Variants in WDR62 observed in about 807,000 individuals in gnomAD.
WDR62 encodes the protein WD repeat-containing protein 62.
Under a neutral mutation model 160.6 loss-of-function variants are expected in WDR62, and 112 were observed. That is an observed-to-expected ratio of 0.70 (90% CI 0.60 to 0.82). The LOEUF (loss-of-function observed/expected upper bound fraction) is 0.82. Among genes scored for constraint, WDR62 ranks in the 40% least tolerant of loss-of-function variants. The pLI is 0.00. For synonymous variants in WDR62, 792 were observed against 815.1 expected (o/e 0.97, Z 0.48); for missense variants, 1,819 against 1,983.8 (o/e 0.92, Z 1.58).
chr19:36,109,910 C>T (rs1973778260), downstream of WDR62, among the ~76,000 whole-genome samples: 4 of 151,608 alleles, frequency 2.6e-5, no homozygotes, highest in South Asian at 8.3e-4. Flanking sequence ...AAAAAATCAG[C>T]TGGGTGCAGT....
intron 8 of WDR62, 84 bp from the exon 9 acceptor site, chr19:36,073,258 G>A (rs1971394824): frequency 7.6e-7 from 1 of 1,321,456 alleles, no homozygotes; most frequent in East Asian, 2.3e-5. Flanking sequence ...GGCATTGCCG[G>A]GGAGGCATCT....
In WDR62 at chr19:36,094,155, T is replaced by C. The variant is rs759219951; in HGVS notation, c.2458T>C (p.Leu820=). Residue 820 remains leucine (L), a synonymous_variant, in exon 20 of 32, where the codon TTG becomes CTG. Transcript: ENST00000401500. ...EMLKTPSKDS[L]DPDPRCLLTN... is the part of the protein sequence containing the mutation. ...GCTGAAGACACCATCCAAAGATAGC[T>C]TGGATCCAGGTTGGAAAAGGGGCCC... 3 of 1,614,104 alleles carry C rather than the reference T, an allele frequency of 1.9e-6. No individual in the cohort carries two copies. In the South Asian group the frequency reaches 3.3e-5, roughly 18 times the overall value.
intron 3 of WDR62, chr19:36,061,042 C>A (rs1310562564): frequency 6.6e-6 from 1 of 152,370 alleles, no homozygotes; most frequent in Non-Finnish European, 1.5e-5. Context: ...CCATGTCCCT[C>A]CTTGGCATAG....
chr19:36,079,137 A>C (rs1000389737), intron 9 of WDR62, among the ~76,000 whole-genome samples: 1 of 152,152 alleles, frequency 6.6e-6, no homozygotes, highest in Non-Finnish European at 1.5e-5. Flanking sequence ...GCTGGAGTGC[A>C]GTGGCATGAT....
chr19:36,105,901 G>A (rs113469158), downstream of WDR62, among the ~76,000 whole-genome samples: 3 of 151,428 alleles, frequency 2.0e-5, no homozygotes, highest in Admixed American at 6.6e-5. Context: ...GTTTTGCCAT[G>A]TTGGCCAGGC....
Position 36,101,229 on chromosome 19 carries a change from G to A in WDR62, c.2883G>A (p.Lys961=). 2 of 1,612,904 alleles carry A rather than the reference G, an allele frequency of 1.2e-6. No homozygotes were observed. The highest frequency in any genetic ancestry group is 2.2e-5 in the South Asian group (2 of 90,584). Residue 961 remains lysine, a synonymous_variant, in exon 24 of 32, where the codon AAG becomes AAA. Transcript: ENST00000401500. ...VTGTDSQYCR[K]EVEAGPGDQQ... ...GGCACTGCAGCCAGTATTGCAGGAAGGAGGTGGAGGCCGGGCCTGGAGACC... is the reference window on the plus strand; with the variant it reads ...GGCACTGCAGCCAGTATTGCAGGAAAGAGGTGGAGGCCGGGCCTGGAGACC...
chr19:36,061,137 G>A (rs943040169), intron 3 of WDR62: 6 of 152,222 alleles, frequency 3.9e-5, no homozygotes, highest in Non-Finnish European at 5.9e-5. Flanking sequence ...CCTAAGGTAC[G>A]GTCCTTAAGC....
chr19:36,099,380 C>G lies in WDR62; in HGVS notation c.2521-19C>G. The G allele has an allele frequency of 6.2e-7, 1 of 1,609,828 alleles. No individual in the cohort carries two copies. Among genetic ancestry groups the G allele is most frequent in the Middle Eastern group, 1.9e-4 (1 of 5,188 alleles). ...AGTGAGCACTCAGCCAGTTGCCTGA[C>G]TGTCCGATATCCTTCAAGCTAGGGG... On this transcript the variant is annotated intron_variant, in intron 21 of 31. Coordinates refer to ENST00000401500, the MANE Select transcript of WDR62 (RefSeq NM_001083961.2).
intron 1 of WDR62, among the ~76,000 whole-genome samples, chr19:36,056,017 T>C (rs964762531): frequency 3.3e-5 from 5 of 152,082 alleles, no homozygotes; most frequent in African/African-American, 1.2e-4. Context: ...GTAGAAAAAT[T>C]AGCCCGGCAT....
At chr19:36,068,897 G>A (rs1359204784) in intron 7 of WDR62, among the ~76,000 whole-genome samples, 1 of 152,120 alleles carries the variant, frequency 6.6e-6, no homozygotes. Context: ...GGTGGTGGCC[G>A]GGCAGAGGGG....
intron 11 of WDR62, among the ~76,000 whole-genome samples, chr19:36,084,047 G>A (rs1568348085): frequency 1.3e-5 from 2 of 152,134 alleles, no homozygotes; most frequent in Non-Finnish European, 2.9e-5. Flanking sequence ...GCCAACATGG[G>A]GATAGTGCTC....
In WDR62 at chr19:36,103,680, C is replaced by T; in HGVS notation, c.3852C>T (p.Ala1284=). 1 of 1,610,342 alleles carries T rather than the reference C, an allele frequency of 6.2e-7. No homozygotes were observed. The highest frequency in any genetic ancestry group is 1.1e-5 in the South Asian group (1 of 91,082). The change falls in exon 30 of 32, where the codon GCC becomes GCT. Residue 1284 remains alanine, a synonymous_variant. Coordinates refer to ENST00000401500, the MANE Select transcript of WDR62 (RefSeq NM_001083961.2). ...PSLDSEGQEP[A]LRSWGNHEAR... ...TGGACAGTGAGGGCCAAGAGCCTGC[C>T]CTGCGTTCCTGGGGCAACCACGAGG...
chr19:36,072,748 C>G (rs1971365533), intron 8 of WDR62, among the ~76,000 whole-genome samples: 1 of 152,166 alleles, frequency 6.6e-6, no homozygotes, highest in African/African-American at 2.4e-5. Flanking sequence ...GGGCTCACAG[C>G]TCTGCTGTCT....
At chr19:36,090,362 G>T (rs777088144) in intron 15 of WDR62, 83 bp from the exon 16 acceptor site, 86 of 1,342,164 alleles carry the variant, frequency 6.4e-5, no homozygotes, top group Non-Finnish European at 8.8e-5. Flanking sequence ...GCTTCCAGGG[G>T]AGGGGAGGAC....
intron 7 of WDR62, among the ~76,000 whole-genome samples, chr19:36,068,751 A>T (rs533655092): frequency 1.3e-5 from 2 of 152,342 alleles, no homozygotes; most frequent in East Asian, 3.9e-4. Flanking sequence ...TCCCATGTCT[A>T]CTTCTTTCTA....
chr19:36,055,777 G>A (rs1970331475), intron 1 of WDR62, among the ~76,000 whole-genome samples: 1 of 152,224 alleles, frequency 6.6e-6, no homozygotes, highest in South Asian at 2.1e-4. Flanking sequence ...TGATTTCACA[G>A]TAGGTAGAAG....
In WDR62 at chr19:36,099,437, C is replaced by T. The variant is rs1034239094; in HGVS notation, c.2559C>T (p.His853=). Residue 853 remains histidine, a synonymous_variant, in exon 22 of 32, where the codon CAC becomes CAT. Coordinates refer to ENST00000401500, the MANE Select transcript of WDR62 (RefSeq NM_001083961.2). ...DDDVADGLAF[H]AKRSYQPHGR... ...ATGTGGCAGATGGCTTGGCCTTCCACGCCAAGCGCAGCTACCAGCCCCACG... is the reference window on the plus strand; with the variant it reads ...ATGTGGCAGATGGCTTGGCCTTCCATGCCAAGCGCAGCTACCAGCCCCACG... 1.1e-5 allele frequency: 17 copies of T among 1,613,592 alleles called. No homozygotes were observed. Among genetic ancestry groups the T allele is most frequent in the East Asian group, 4.5e-5 (2 of 44,896 alleles).
intron 4 of WDR62, 106 bp from the exon 5 acceptor site, chr19:36,066,151 G>T: frequency 6.9e-6 from 11 of 1,583,228 alleles, no homozygotes; most frequent in Non-Finnish European, 9.5e-6. Flanking sequence ...AGATGGGGGA[G>T]GTGGCTTTTG....
chr19:36,076,809 A>G (rs1274571540), intron 9 of WDR62, among the ~76,000 whole-genome samples: 2 of 152,154 alleles, frequency 1.3e-5, no homozygotes, highest in African/African-American at 2.4e-5. Flanking sequence ...TAGTTAAAAC[A>G]ATTGTAATGC....
Sources: gnomAD v4.1 joint callset for allele counts (sites outside exome capture counted in the v4.1 genomes callset) on GRCh38, gnomAD v4.1.1 for gene constraint, MANE v1.5 for transcripts, NCBI Gene and HGNC (gene_info 2026-07-23, HGNC 2026-07-21) for gene names.